Variants in CTBS observed in about 807,000 individuals in gnomAD.
The protein encoded by CTBS is chitobiase, also known as di-N-acetylchitobiase.
A neutral mutation model predicts 44.3 loss-of-function variants in CTBS; 35 were observed. The observed-to-expected ratio is 0.79, with a 90% confidence interval of 0.60 to 1.05. The LOEUF (loss-of-function observed/expected upper bound fraction) is 1.05, where lower values mean the gene tolerates loss of function less well. Ranked by LOEUF, CTBS falls within the 50% of genes least tolerant of loss-of-function variation. The probability of loss-of-function intolerance (pLI) is 0.00; values close to 1 mark genes in which losing one functional copy is unlikely to be tolerated. For missense variants in CTBS, 458 were observed against 475.3 expected (o/e 0.96, Z 0.34); for synonymous variants, 143 against 168.0 (o/e 0.85, Z 1.15).
chr1:84,563,725 C>G lies in CTBS; in HGVS notation c.795+10G>C, dbSNP rs372080257. 2.5e-5 allele frequency: 38 copies of G among 1,491,176 alleles called. No individual in the cohort carries two copies. In the African/African-American group the frequency reaches 4.8e-4, roughly 19 times the overall value. The allele number at this position is 1,491,176 out of a possible 1,614,324, so 92.4% of individuals were successfully genotyped here. ...ATAATAAAAATTATGTAACAAATGA[C>G]TGTTCCTACCTCAGACAGATTCAGG... On this transcript the variant is annotated intron_variant, in intron 5 of 6. Transcript: ENST00000370630.
At chr1:84,569,716 C>T (rs1647240139) in intron 3 of CTBS, among the ~76,000 whole-genome samples, 1 of 152,162 alleles carries the variant, frequency 6.6e-6, no homozygotes. Context: ...GGGGTAATCC[C>T]AGTGTTGTAT....
rs950843760 is a variant in CTBS, at chr1:84,570,629, T to C, written c.269A>G (p.Glu90Gly). 3.1e-6 allele frequency: 5 copies of C among 1,614,074 alleles called. No individual in the cohort carries two copies. In the Admixed American group the frequency reaches 8.3e-5, roughly 27 times the overall value. Residue 90 changes from glutamate to glycine, a missense_variant, in exon 2 of 7, where the codon GAA (glutamate) becomes GGA (glycine). Transcript: ENST00000370630. ...TTTTGAATGAGCGTAGCACATAAGTTCTGAGTCATATTTTCCAAATGTTGC... is the reference window on the plus strand; with the variant it reads ...TTTTGAATGAGCGTAGCACATAAGTCCTGAGTCATATTTTCCAAATGTTGC... ...TVATFGKYDS[E>G]LMCYAHSKGA...
chr1:84,566,410 A>G (rs1223174455), intron 3 of CTBS, among the ~76,000 whole-genome samples: 6 of 152,194 alleles, frequency 3.9e-5, no homozygotes, highest in African/African-American at 1.4e-4. Context: ...AAGTTTTTAA[A>G]ATATTGTGCA....
chr1:84,563,905 C>T (rs762358070), intron 4 of CTBS, 73 bp from the exon 5 acceptor site: 189 of 1,443,382 alleles, frequency 1.3e-4, no homozygotes, highest in Non-Finnish European at 1.6e-4. Context: ...GCTATGCAAC[C>T]GTTCAGAATC....
chr1:84,566,102 T>C (rs1262731441), intron 3 of CTBS, 90 bp from the exon 4 acceptor site: 1 of 724,978 alleles, frequency 1.4e-6, no homozygotes, highest in African/African-American at 1.9e-5. Flanking sequence ...TTTTACCTTA[T>C]ACTACACAAG....
intron 6 of CTBS, among the ~76,000 whole-genome samples, chr1:84,559,735 G>A (rs1684551601): frequency 2.6e-5 from 4 of 152,160 alleles, no homozygotes; most frequent in Admixed American, 2.6e-4. Flanking sequence ...GTTTTCTGAA[G>A]TGACATTAAA....
At position 84,554,302 on chromosome 1, in the gene CTBS, CAT is replaced by C. The variant is rs959309055; in HGVS notation, c.*695_*696del. On this transcript the variant is annotated 3_prime_UTR_variant, in exon 7 of 7. Transcript: ENST00000370630. ...TATTAAAAATTTTACAAATGAGCCT[CAT>C]AAAAATAATGTAGTTGGAAAATATT... 7.2e-5 allele frequency: 11 copies of C among 152,206 alleles called. No individual in the cohort carries two copies. The highest frequency in any genetic ancestry group is 2.6e-4 in the African/African-American group (11 of 41,540). The allele number at this position is 152,206 out of a possible 1,614,324, so 9.4% of individuals were successfully genotyped here.
In CTBS at chr1:84,552,559, G is replaced by GAA. The variant is rs1412411058; in HGVS notation, c.*2438_*2439dup. On this transcript the variant is annotated 3_prime_UTR_variant, in exon 7 of 7. Transcript: ENST00000370630. Reference sequence around the variant, plus strand: ...TAGTATCTGATTCTGTAAAATTTTTGAAAAAAAAATAAGAGACTAATACAC... The same window carrying GAA: ...TAGTATCTGATTCTGTAAAATTTTTGAAAAAAAAAAATAAGAGACTAATACAC... 1 of 148,088 alleles carries GAA rather than the reference G, an allele frequency of 6.8e-6. No homozygotes were observed. The highest frequency in any genetic ancestry group is 6.7e-5 in the Admixed American group (1 of 14,930). The allele number at this position is 148,088 out of a possible 1,614,324, so 9.2% of individuals were successfully genotyped here. A position where few individuals can be genotyped will look rare whatever the true frequency, so the allele number is the denominator to read the frequency against.
In CTBS at chr1:84,563,614, A is replaced by G; in HGVS notation, c.795+121T>C. On this transcript the variant is annotated intron_variant, in intron 5 of 6. Coordinates refer to ENST00000370630, the MANE Select transcript of CTBS (RefSeq NM_004388.3). ...TAAGCTTTCATAGAAGTAAAAATAAATAATTTTTATCTCAAACTATATTTC... is the reference window on the plus strand; with the variant it reads ...TAAGCTTTCATAGAAGTAAAAATAAGTAATTTTTATCTCAAACTATATTTC... 5.9e-6 allele frequency: 4 copies of G among 674,592 alleles called. No individual in the cohort carries two copies. The South Asian group carries it at 1.5e-4, about 26-fold the overall frequency. 41.8% of individuals were successfully genotyped at this position (674,592 alleles called of 1,614,324 possible). A position where few individuals can be genotyped will look rare whatever the true frequency, so the allele number is the denominator to read the frequency against.
At position 84,574,315 on chromosome 1, in the gene CTBS, C is replaced by CGCAGCGCCAGCAGCGCCAGCAGCGCCA. The variant is rs3217269; in HGVS notation, c.74_100dup (p.Leu25_Leu33dup). The stretch of plus-strand genomic sequence containing the variant: ...TGGGCAGTCGGTCCCGGCCGCGAGC[C>CGCAGCGCCAGCAGCGCCAGCAGCGCCA]GCAGCGCCAGCAGCGCCAGCAGCGC... On this transcript the variant is annotated inframe_insertion, in exon 1 of 7. Coordinates refer to ENST00000370630, the MANE Select transcript of CTBS (RefSeq NM_004388.3). 4.2e-5 allele frequency: 66 copies of CGCAGCGCCAGCAGCGCCAGCAGCGCCA among 1,569,426 alleles called. No homozygotes were observed. The African/African-American group carries it at 6.0e-4, about 14-fold the overall frequency.
intron 6 of CTBS, among the ~76,000 whole-genome samples, chr1:84,560,360 A>AAAATCTGAACAGACAGTCCT (rs1402471191): frequency 2.6e-5 from 4 of 152,172 alleles, no homozygotes; most frequent in Non-Finnish European, 5.9e-5. Context: ...GAGGCCAAGA[A>AAAATCTGAACAGACAGTCCT]AAATCTGAAC....
intron 6 of CTBS, among the ~76,000 whole-genome samples, chr1:84,557,334 A>T (rs1415535210): frequency 3.3e-5 from 5 of 152,022 alleles, no homozygotes; most frequent in African/African-American, 7.2e-5. Flanking sequence ...GGAGTTCAAG[A>T]CCAGCCTGGC....
In CTBS at chr1:84,554,798, GACTT is replaced by G; in HGVS notation, c.*197_*200del. The G allele has an allele frequency of 2.0e-6, 1 of 495,252 alleles. No individual in the cohort carries two copies. Among genetic ancestry groups the G allele is most frequent in the Non-Finnish European group, 3.5e-6 (1 of 281,920 alleles). 30.7% of individuals were successfully genotyped at this position (495,252 alleles called of 1,614,324 possible). On this transcript the variant is annotated 3_prime_UTR_variant, in exon 7 of 7. Transcript: ENST00000370630. Reference sequence around the variant, plus strand: ...TAGAGGAATATTTAATAGGTAAGTTGACTTGCTTCTTGCCTTTATGTTCCTGGAT... The same window carrying G: ...TAGAGGAATATTTAATAGGTAAGTTGGCTTCTTGCCTTTATGTTCCTGGAT...
At position 84,574,289 on chromosome 1, in the gene CTBS, A is replaced by C; in HGVS notation, c.127T>G (p.Cys43Gly). ...GGGCGGCAGAGCTCAGGCTCCGGGC[A>C]TGGGCAGTCGGTCCCGGCCGCGAGC... is the stretch of plus-strand genomic sequence containing the variant. Reference protein sequence around the residue: ...LRLAAGTDCPCPEPELCRPIR... With the variant: ...LRLAAGTDCPGPEPELCRPIR... Residue 43 changes from cysteine (C) to glycine (G), a missense_variant, in exon 1 of 7, where the codon TGC becomes GGC. Physicochemically the swap from Cys to Gly is radical, Grantham distance 159 (BLOSUM62 -3). Transcript: ENST00000370630. 1 of 1,582,864 alleles carries C rather than the reference A, an allele frequency of 6.3e-7. No homozygotes were observed. Among genetic ancestry groups the C allele is most frequent in the Non-Finnish European group, 8.6e-7 (1 of 1,167,378 alleles).
At chr1:84,574,017 T>A (rs1409105994) in intron 1 of CTBS, 1 of 1,399,738 alleles carries the variant, frequency 7.1e-7, no homozygotes, top group African/African-American at 1.5e-5. Context: ...CTCGCCTGCC[T>A]ACGCAGGCAC....
In CTBS at chr1:84,574,346, G is replaced by C; in HGVS notation, c.70C>G (p.Leu24Val). The C allele has an allele frequency of 4.5e-6, 6 of 1,338,550 alleles. No homozygotes were observed. Among genetic ancestry groups the C allele is most frequent in the Non-Finnish European group, 6.1e-6 (6 of 977,206 alleles). 82.9% of individuals were successfully genotyped at this position (1,338,550 alleles called of 1,614,324 possible). A position where few individuals can be genotyped will look rare whatever the true frequency, so the allele number is the denominator to read the frequency against. The change falls in exon 1 of 7, where the codon CTG (leucine) becomes GTG (valine). Residue 24 changes from leucine (L) to valine (V), a missense_variant. Transcript: ENST00000370630. ...GCCAGCAGCGCCAGCAGCGCCAGCAGCGCTAGACCCGGGACGCCGCTCGGC... is the reference window on the plus strand; with the variant it reads ...GCCAGCAGCGCCAGCAGCGCCAGCACCGCTAGACCCGGGACGCCGCTCGGC... The part of the protein sequence containing the change: ...SPPSGVPGLA[L>V]LALLALLALR...
chr1:84,555,257 G>A, intron 6 of CTBS, 58 bp from the exon 7 acceptor site: 1 of 1,332,830 alleles, frequency 7.5e-7, no homozygotes, highest in Non-Finnish European at 1.0e-6. Context: ...CAGCACCACA[G>A]GAAAGGGAAA....
Position 84,563,730 on chromosome 1 carries a change from C to G in CTBS, c.795+5G>C, listed in dbSNP as rs745323457. 12 of 1,538,902 alleles carry G rather than the reference C, an allele frequency of 7.8e-6. No homozygotes were observed. The South Asian group carries it at 1.4e-4, about 17-fold the overall frequency. On this transcript the variant is annotated splice_donor_5th_base_variant and intron_variant, in intron 5 of 6. Transcript: ENST00000370630. ...AAAAATTATGTAACAAATGACTGTTCCTACCTCAGACAGATTCAGGCAGGT... is the reference window on the plus strand; with the variant it reads ...AAAAATTATGTAACAAATGACTGTTGCTACCTCAGACAGATTCAGGCAGGT...
chr1:84,569,614 G>A (rs1647233615), intron 3 of CTBS, among the ~76,000 whole-genome samples: 1 of 152,176 alleles, frequency 6.6e-6, no homozygotes, highest in African/African-American at 2.4e-5. Flanking sequence ...GGTTGTTTCT[G>A]TCCTGCATTG....
Sources: gnomAD v4.1 joint callset for allele counts (sites outside exome capture counted in the v4.1 genomes callset) on GRCh38, gnomAD v4.1.1 for gene constraint, MANE v1.5 for transcripts, NCBI Gene and HGNC (gene_info 2026-07-23, HGNC 2026-07-21) for gene names.